Variants in VDAC1 observed in about 807,000 individuals in gnomAD.
VDAC1 encodes the protein non-selective voltage-gated ion channel VDAC1.
In VDAC1, 10 loss-of-function variants were observed where a neutral mutation model predicts 34.7. The ratio of observed to expected loss-of-function variants is 0.29; its 90% confidence interval spans 0.18 to 0.49. The LOEUF is 0.49. VDAC1 is among the 20% of genes least tolerant of loss of function. The pLI is 0.99. For missense variants in VDAC1, 230 were observed against 347.9 expected, an observed-to-expected ratio of 0.66 and a Z score of 2.69; for synonymous variants, 130 against 136.0, an observed-to-expected ratio of 0.96 and a Z score of 0.30.
the VDAC1 span, among the ~76,000 whole-genome samples, chr5:134,043,985 C>G: frequency 2.6e-5 from 4 of 152,186 alleles, no homozygotes; most frequent in African/African-American, 9.7e-5. Flanking sequence ...TTCAGAGATG[C>G]TGAAGCTGAC....
At chr5:133,982,430 T>G (rs1348686076) in intron 5 of VDAC1, among the ~76,000 whole-genome samples, 12 of 150,492 alleles carry the variant, frequency 8.0e-5, no homozygotes, top group Admixed American at 7.3e-4. Context: ...GAGAAACGCT[T>G]GAACCCGGGA....
At chr5:134,086,980 A>G in the VDAC1 span, among the ~76,000 whole-genome samples, 1 of 152,166 alleles carries the variant, frequency 6.6e-6, no homozygotes, top group Admixed American at 6.5e-5. Flanking sequence ...TGACTGTTGA[A>G]AGGAAGAGCC....
intron 5 of VDAC1, among the ~76,000 whole-genome samples, chr5:133,988,336 C>T (rs1029661439): frequency 6.6e-6 from 1 of 151,936 alleles, no homozygotes; most frequent in African/African-American, 2.4e-5. Context: ...CCTGTAAACC[C>T]GGCACTTTGG....
At chr5:134,026,877 T>C in the VDAC1 span, among the ~76,000 whole-genome samples, 1 of 152,242 alleles carries the variant, frequency 6.6e-6, no homozygotes, top group Non-Finnish European at 1.5e-5. Context: ...TTTACAGATG[T>C]GGAAACTGAG....
chr5:134,007,705 G>C (rs769413450), upstream of VDAC1, among the ~76,000 whole-genome samples: 2 of 152,162 alleles, frequency 1.3e-5, no homozygotes, highest in African/African-American at 2.4e-5. Context: ...AGGCCCTTGG[G>C]GAGACCTGGG....
the VDAC1 span, among the ~76,000 whole-genome samples, chr5:134,061,370 A>T: frequency 6.6e-6 from 1 of 151,138 alleles, no homozygotes; most frequent in South Asian, 2.1e-4. Flanking sequence ...AAAGTCCCTG[A>T]ATTTGTTGTT....
chr5:134,015,996 C>T, the VDAC1 span, among the ~76,000 whole-genome samples: 2 of 152,052 alleles, frequency 1.3e-5, no homozygotes, highest in African/African-American at 4.8e-5. Context: ...GCCATGTTGC[C>T]CAGGCTGGTC....
the VDAC1 span, among the ~76,000 whole-genome samples, chr5:134,078,782 C>G: frequency 6.6e-6 from 1 of 151,216 alleles, no homozygotes; most frequent in Non-Finnish European, 1.5e-5. Context: ...TCCCAAGTAG[C>G]TGGGATTACA....
chr5:133,994,177 A>G (rs1580725674), intron 1 of VDAC1, among the ~76,000 whole-genome samples: 1 of 152,196 alleles, frequency 6.6e-6, no homozygotes, highest in Admixed American at 6.5e-5. Flanking sequence ...CATATCATCA[A>G]TGGAAGTTGC....
At chr5:134,036,492 G>A in the VDAC1 span, among the ~76,000 whole-genome samples, 1 of 152,112 alleles carries the variant, frequency 6.6e-6, no homozygotes. Context: ...ACATAATGTC[G>A]GATCCTTGGA....
the VDAC1 span, among the ~76,000 whole-genome samples, chr5:134,072,221 A>G: frequency 6.6e-6 from 1 of 152,166 alleles, no homozygotes; most frequent in East Asian, 1.9e-4. Flanking sequence ...GCTTACAACC[A>G]TGAACAATAA....
the VDAC1 span, among the ~76,000 whole-genome samples, chr5:134,053,522 G>A: frequency 6.6e-6 from 1 of 152,222 alleles, no homozygotes; most frequent in Non-Finnish European, 1.5e-5. Flanking sequence ...ACTGAGCGCA[G>A]CCTGCATGGA....
the VDAC1 span, among the ~76,000 whole-genome samples, chr5:134,058,536 C>T: frequency 9.9e-5 from 15 of 152,150 alleles, no homozygotes; most frequent in East Asian, 1.9e-4. Flanking sequence ...AGGACGGTCT[C>T]AATCTCCTGA....
At chr5:134,092,769 G>A in the VDAC1 span, among the ~76,000 whole-genome samples, 6 of 151,962 alleles carry the variant, frequency 3.9e-5, no homozygotes, top group Admixed American at 1.3e-4. Flanking sequence ...AAACCCCAGC[G>A]ATGCCCCACA....
chr5:134,075,586 T>G, the VDAC1 span, among the ~76,000 whole-genome samples: 1 of 152,194 alleles, frequency 6.6e-6, no homozygotes, highest in East Asian at 1.9e-4. Flanking sequence ...TTGTTTGTTT[T>G]TTGTTTTTTG....
the VDAC1 span, among the ~76,000 whole-genome samples, chr5:134,045,351 CTT>C: frequency 6.6e-6 from 1 of 152,204 alleles, no homozygotes; most frequent in African/African-American, 2.4e-5. Context: ...AACTTAGTGG[CTT>C]AAAACAGCAA....
the VDAC1 span, among the ~76,000 whole-genome samples, chr5:134,034,923 A>T: frequency 3.3e-5 from 5 of 152,242 alleles, no homozygotes; most frequent in African/African-American, 1.2e-4. Flanking sequence ...AGAAAAATTC[A>T]TGGTTTTTAT....
At chr5:133,975,798 G>C in intron 7 of VDAC1, 73 bp downstream of exon 7, 1 of 1,584,328 alleles carries the variant, frequency 6.3e-7, no homozygotes, top group South Asian at 1.1e-5. Flanking sequence ...CAGCACTCCA[G>C]CAAACCTGAA....
chr5:134,105,440 T>C, the VDAC1 span, among the ~76,000 whole-genome samples: 1 of 152,150 alleles, frequency 6.6e-6, no homozygotes, highest in Admixed American at 6.5e-5. Context: ...TCCACGTCTG[T>C]AAAATGGGGT....
Sources: gnomAD v4.1 joint callset for allele counts (sites outside exome capture counted in the v4.1 genomes callset) on GRCh38, gnomAD v4.1.1 for gene constraint, MANE v1.5 for transcripts, NCBI Gene and HGNC (gene_info 2026-07-23, HGNC 2026-07-21) for gene names.